HTR2C: variants seen among roughly 807,000 people sequenced by gnomAD.
HTR2C encodes 5-hydroxytryptamine receptor 2C, also known as 5-hydroxytryptamine (serotonin) receptor 2C, G protein-coupled.
HTR2C carries 5 observed loss-of-function variants against 21.0 expected under a neutral mutation model. That is an observed-to-expected ratio of 0.24 (90% CI 0.12 to 0.50). The LOEUF is 0.50. Among genes scored for constraint, HTR2C ranks in the 20% least tolerant of loss-of-function variants. HTR2C has a pLI of 0.98. For synonymous variants in HTR2C, 150 were observed against 145.3 expected, an observed-to-expected ratio of 1.03 and a Z score of -0.23; for missense variants, 271 against 371.2, an observed-to-expected ratio of 0.73 and a Z score of 2.22.
chrX:114,804,558 T>A (rs1017245829), intron 4 of HTR2C, among the ~76,000 whole-genome samples: 1 of 111,925 alleles, frequency 8.9e-6, no homozygotes, highest in East Asian at 2.8e-4. Flanking sequence ...GATACTGTTA[T>A]CTACTTTTTA....
At chrX:114,815,743 A>G (rs1411783073) in intron 4 of HTR2C, among the ~76,000 whole-genome samples, 2 of 107,615 alleles carry the variant, frequency 1.9e-5, no homozygotes, top group Non-Finnish European at 3.9e-5. Flanking sequence ...TAAGGCAGCA[A>G]TAAATATTTT....
At chrX:114,781,747 C>T (rs782514019) in intron 4 of HTR2C, among the ~76,000 whole-genome samples, 66 of 107,482 alleles carry the variant, frequency 6.1e-4, no homozygotes, top group Middle Eastern at 4.8e-3. Flanking sequence ...GTGATCCTCC[C>T]GCCTCAGCCT....
chrX:114,733,415 T>TAA (rs2069556157), intron 4 of HTR2C, among the ~76,000 whole-genome samples: 1 of 100,433 alleles, frequency 1.0e-5, no homozygotes, highest in African/African-American at 3.6e-5. Context: ...ATAAAAAAAT[T>TAA]TAAAAAAAAA....
chrX:114,827,663 T>G (rs904757427), intron 4 of HTR2C, among the ~76,000 whole-genome samples: 2 of 110,926 alleles, frequency 1.8e-5, no homozygotes, highest in African/African-American at 6.5e-5. Flanking sequence ...AGTCTCCTAG[T>G]TTAGAGAGAC....
chrX:114,758,717 C>T lies in HTR2C; in HGVS notation c.349+27110C>T, dbSNP rs1402901162. Among the ~76,000 whole-genome samples, 4 of 111,877 alleles carry T rather than the reference C, an allele frequency of 3.6e-5. No homozygotes were observed. In the East Asian group the frequency reaches 1.1e-3, roughly 31 times the overall value. On this transcript the variant is annotated intron_variant, in intron 4 of 5. Transcript: ENST00000276198. ...AACAAATTAATGCTTCATTAACAAGCAAATCACCAATGGTGAAAAAAGAAC... is the reference window on the plus strand; with the variant it reads ...AACAAATTAATGCTTCATTAACAAGTAAATCACCAATGGTGAAAAAAGAAC...
chrX:114,752,086 G>T (rs1055163675), intron 4 of HTR2C, among the ~76,000 whole-genome samples: 1 of 112,039 alleles, frequency 8.9e-6, no homozygotes, highest in African/African-American at 3.2e-5. Flanking sequence ...ATGCAAGTGA[G>T]CATACACCAT....
chrX:114,895,849 G>A (rs1480321358), intron 5 of HTR2C, among the ~76,000 whole-genome samples: 1 of 110,145 alleles, frequency 9.1e-6, no homozygotes. Flanking sequence ...TTAGCCAGGA[G>A]TGGTGGCGGG....
intron 2 of HTR2C, among the ~76,000 whole-genome samples, chrX:114,685,464 A>G (rs890359976): frequency 8.9e-6 from 1 of 112,285 alleles, no homozygotes; most frequent in South Asian, 3.6e-4. Flanking sequence ...GTGAAGTGCT[A>G]ACTTCCTACT....
chrX:114,704,829 T>C (rs1346763450), intron 2 of HTR2C, among the ~76,000 whole-genome samples: 4 of 107,723 alleles, frequency 3.7e-5, no homozygotes, highest in African/African-American at 6.7e-5. Context: ...GCCCCAAATC[T>C]CCTTAAGCTG....
At chrX:114,679,454 T>A (rs903311180) in intron 2 of HTR2C, among the ~76,000 whole-genome samples, 1 of 109,732 alleles carries the variant, frequency 9.1e-6, no homozygotes, top group Non-Finnish European at 1.9e-5. Flanking sequence ...AATTGTTGTA[T>A]TTTTAGTAGA....
intron 2 of HTR2C, among the ~76,000 whole-genome samples, chrX:114,646,630 G>A (rs1556407565): frequency 8.9e-6 from 1 of 112,025 alleles, no homozygotes; most frequent in Non-Finnish European, 1.9e-5. Context: ...CTCCCACTCT[G>A]TGGGGTGTCT....
At chrX:114,708,253 A>G in intron 2 of HTR2C, among the ~76,000 whole-genome samples, 1 of 111,539 alleles carries the variant, frequency 9.0e-6, no homozygotes, top group Non-Finnish European at 1.9e-5. Context: ...GAGCAATTTC[A>G]CATACTATCA....
At chrX:114,611,767 G>A (rs1233236114) in intron 1 of HTR2C, among the ~76,000 whole-genome samples, 1 of 111,369 alleles carries the variant, frequency 9.0e-6, no homozygotes, top group Non-Finnish European at 1.9e-5. Context: ...GCGCGATCTC[G>A]GCTCACTGCA....
chrX:114,733,061 T>C (rs782233226), intron 4 of HTR2C, among the ~76,000 whole-genome samples: 34 of 111,452 alleles, frequency 3.1e-4, no homozygotes, highest in Non-Finnish European at 4.0e-4. Flanking sequence ...CCAGGAAAGA[T>C]AGCATGAAAT....
chrX:114,725,596 A>T (rs1436097039), intron 2 of HTR2C, among the ~76,000 whole-genome samples: 2 of 111,840 alleles, frequency 1.8e-5, no homozygotes, highest in Non-Finnish European at 3.8e-5. Context: ...GGCGCTCTGC[A>T]TTTTAGAGTT....
chrX:114,732,095 A>G (rs1465059674), intron 4 of HTR2C, among the ~76,000 whole-genome samples: 3 of 112,231 alleles, frequency 2.7e-5, no homozygotes, highest in Non-Finnish European at 5.6e-5. Context: ...TTGTTCATGG[A>G]GTCTATAATT....
chrX:114,670,567 T>C (rs947509351), intron 2 of HTR2C, among the ~76,000 whole-genome samples: 20 of 112,294 alleles, frequency 1.8e-4, no homozygotes, highest in Admixed American at 1.2e-3. Flanking sequence ...TATCCTGAAA[T>C]AAGCAATTAA....
rs781917131 is a variant in HTR2C, at chrX:114,723,075, G to A, written c.-79-3783G>A. Among the ~76,000 whole-genome samples the A allele has an allele frequency of 9.8e-3, 1,090 of 111,253 alleles. 19 individuals are homozygous for A. The highest frequency in any genetic ancestry group is 0.034 in the African/African-American group (1,046 of 30,659). On this transcript the variant is annotated intron_variant, in intron 2 of 5. Transcript: ENST00000276198. ...CCCTCTTTTTCTATTGATTGGAATA[G>A]TTTCAGAAGGAATGGTACCAGTTCC...
At chrX:114,613,617 C>T (rs1182820643) in intron 1 of HTR2C, among the ~76,000 whole-genome samples, 198 bp from the exon 2 acceptor site, 2 of 111,704 alleles carry the variant, frequency 1.8e-5, no homozygotes, top group African/African-American at 6.5e-5. Flanking sequence ...CTGGTTCAAA[C>T]GCCTCTTACA....
Sources: gnomAD v4.1 joint callset for allele counts (sites outside exome capture counted in the v4.1 genomes callset) on GRCh38, gnomAD v4.1.1 for gene constraint, MANE v1.5 for transcripts, NCBI Gene and HGNC (gene_info 2026-07-23, HGNC 2026-07-21) for gene names.